The following IMPG2 variants were observed in gnomAD, a reference collection of about 807,000 sequenced individuals.
IMPG2 encodes IPM 200.
IMPG2 carries 91 observed loss-of-function variants against 129.2 expected under a neutral mutation model. The observed-to-expected ratio is 0.70, with a 90% CI of 0.59 to 0.84. The LOEUF (loss-of-function observed/expected upper bound fraction) is 0.84. Among genes scored for constraint, IMPG2 ranks in the 40% least tolerant of loss-of-function variants. The pLI, the probability that IMPG2 is intolerant of heterozygous loss-of-function variation, is 0.00. For missense variants in IMPG2, 1,430 were observed against 1,461.7 expected (o/e 0.98, Z 0.35); for synonymous variants, 510 against 517.7 (o/e 0.99, Z 0.20).
intron 16 of IMPG2, among the ~76,000 whole-genome samples, chr3:101,229,962 T>G (rs1001512377): frequency 1.3e-5 from 2 of 152,256 alleles, no homozygotes; most frequent in Admixed American, 1.3e-4. Flanking sequence ...GCAGCAAATC[T>G]GACTGAAATA....
chr3:101,301,174 A>G (rs1463055890), intron 3 of IMPG2, among the ~76,000 whole-genome samples: 13 of 152,150 alleles, frequency 8.5e-5, no homozygotes, highest in Non-Finnish European at 2.9e-5. Context: ...TGTTCATGGC[A>G]CTCCACAACA....
rs1464336452 is a variant in IMPG2 at position 101,224,400 on chromosome 3, G to A, written c.*2569C>T. 1 of 152,128 alleles carries A rather than the reference G, an allele frequency of 6.6e-6. No individual in the cohort carries two copies. Among genetic ancestry groups the A allele is most frequent in the East Asian group, 1.9e-4 (1 of 5,194 alleles). The allele number at this position is 152,128 out of a possible 1,614,324, so 9.4% of individuals were successfully genotyped here. On this transcript the variant is annotated 3_prime_UTR_variant, in exon 19 of 19. Transcript: ENST00000193391. Reference sequence around the variant, plus strand: ...GCATTTTATTGCTAACTGCATTTTAGTATTTTCACATAAGGTGATAGTCTT... The same window carrying A: ...GCATTTTATTGCTAACTGCATTTTAATATTTTCACATAAGGTGATAGTCTT...
chr3:101,268,797 A>G (rs982187584), intron 8 of IMPG2, among the ~76,000 whole-genome samples: 1 of 152,170 alleles, frequency 6.6e-6, no homozygotes, highest in Admixed American at 6.6e-5. Context: ...GGTTCAGAGC[A>G]AGAAAAGCTA....
chr3:101,243,943 GTC>G lies in IMPG2; in HGVS notation c.2386_2387del (p.Asp796HisfsTer10). ...RTSSLEKLSR[D>X]ILASTPQSAD... ...CACTCTGTGGTGTACTTGCCAATATGTCTCTGGACAATTTCTCTAGGGAAGAA... is the reference window on the plus strand; with the variant it reads ...CACTCTGTGGTGTACTTGCCAATATGTCTGGACAATTTCTCTAGGGAAGAA... On this transcript the variant is annotated frameshift_variant, in exon 13 of 19. Coordinates refer to ENST00000193391, the MANE Select transcript of IMPG2 (RefSeq NM_016247.4). LOFTEE classifies it high-confidence loss of function. 2.5e-6 allele frequency: 4 copies of G among 1,614,170 alleles called. No individual in the cohort carries two copies. Among genetic ancestry groups the G allele is most frequent in the Non-Finnish European group, 3.4e-6 (4 of 1,180,026 alleles).
At chr3:101,232,757 T>C in intron 15 of IMPG2, 24 bp downstream of exon 15, 6 of 1,607,602 alleles carry the variant, frequency 3.7e-6, no homozygotes, top group Non-Finnish European at 5.1e-6. Context: ...GCCTCTAAAG[T>C]CAAAATCTGT....
At chr3:101,291,596 G>A in intron 3 of IMPG2, 86 bp from the exon 4 acceptor site, 1 of 901,506 alleles carries the variant, frequency 1.1e-6, no homozygotes, top group Non-Finnish European at 1.8e-6. Flanking sequence ...GACCACTACT[G>A]CCCTACCATG....
intron 18 of IMPG2, among the ~76,000 whole-genome samples, chr3:101,227,208 C>T (rs952766026): frequency 4.6e-5 from 7 of 152,060 alleles, no homozygotes; most frequent in African/African-American, 1.7e-4. Flanking sequence ...AACATTTTTT[C>T]GGCTACCTGA....
chr3:101,229,249 T>A (rs929267663), intron 17 of IMPG2, 131 bp downstream of exon 17: 39 of 785,688 alleles, frequency 5.0e-5, no homozygotes, highest in South Asian at 1.0e-4. Flanking sequence ...TTACTAAATA[T>A]TTTTTACACT....
chr3:101,305,658 T>C (rs1185914222), intron 2 of IMPG2, among the ~76,000 whole-genome samples: 1 of 152,130 alleles, frequency 6.6e-6, no homozygotes, highest in African/African-American at 2.4e-5. Context: ...AAATATAGCC[T>C]ATTAATTTAA....
chr3:101,289,592 T>C (rs1038198960), intron 4 of IMPG2, among the ~76,000 whole-genome samples: 4 of 151,208 alleles, frequency 2.6e-5, no homozygotes, highest in South Asian at 2.1e-4. Flanking sequence ...AACCATAGAG[T>C]TTGAGAAGGA....
chr3:101,298,056 A>G (rs1418482520), intron 3 of IMPG2, among the ~76,000 whole-genome samples: 1 of 152,174 alleles, frequency 6.6e-6, no homozygotes, highest in Non-Finnish European at 1.5e-5. Flanking sequence ...GGCATCCAAG[A>G]ACTTGTTTTA....
At chr3:101,286,958 A>C (rs971802588) in intron 4 of IMPG2, among the ~76,000 whole-genome samples, 2 of 152,164 alleles carry the variant, frequency 1.3e-5, no homozygotes, top group Non-Finnish European at 2.9e-5. Flanking sequence ...ATCACCTCCT[A>C]GTAGTTGTGA....
At chr3:101,296,401 C>T (rs1336240549) in intron 3 of IMPG2, among the ~76,000 whole-genome samples, 1 of 152,134 alleles carries the variant, frequency 6.6e-6, no homozygotes, top group Non-Finnish European at 1.5e-5. Flanking sequence ...GCCTTGAATC[C>T]CAGGGATGAA....
intron 4 of IMPG2, among the ~76,000 whole-genome samples, chr3:101,279,367 T>C (rs1706870165): frequency 6.6e-6 from 1 of 152,174 alleles, no homozygotes; most frequent in Admixed American, 6.5e-5. Context: ...GAGAAGCTGT[T>C]ATGTAAAATA....
chr3:101,259,033 G>GA (rs1219367103), intron 9 of IMPG2, among the ~76,000 whole-genome samples: 3 of 152,182 alleles, frequency 2.0e-5, no homozygotes, highest in African/African-American at 7.2e-5. Context: ...ATATGTGGCA[G>GA]AGTCATAATT....
chr3:101,242,387 T>G (rs1279308457), intron 14 of IMPG2, among the ~76,000 whole-genome samples: 1 of 152,142 alleles, frequency 6.6e-6, no homozygotes, highest in Non-Finnish European at 1.5e-5. Flanking sequence ...AGTGACAACA[T>G]GAAGGCATAG....
chr3:101,250,077 C>CA (rs1187598614), intron 11 of IMPG2, among the ~76,000 whole-genome samples: 2 of 151,988 alleles, frequency 1.3e-5, no homozygotes, highest in African/African-American at 4.8e-5. Flanking sequence ...GACGCTGTCT[C>CA]AAAAAAACAC....
chr3:101,240,190 G>T (rs2460723), intron 14 of IMPG2, among the ~76,000 whole-genome samples: 121,724 of 151,990 alleles, frequency 0.8, 48,759 homozygotes, highest in Admixed American at 0.83. Flanking sequence ...TGATCATAGC[G>T]CATTGTAATC....
chr3:101,251,076 T>C (rs1299439814), intron 11 of IMPG2, among the ~76,000 whole-genome samples: 2 of 152,148 alleles, frequency 1.3e-5, no homozygotes, highest in Non-Finnish European at 2.9e-5. Flanking sequence ...ATTCCAAATG[T>C]ACCTTAAAAA....
Sources: allele counts gnomAD v4.1 joint callset (sites outside exome capture counted in the v4.1 genomes callset), GRCh38; gene constraint gnomAD v4.1.1; transcripts MANE v1.5; gene names NCBI Gene and HGNC (gene_info 2026-07-23, HGNC 2026-07-21).